EFCAB6: variants seen among roughly 807,000 people sequenced by gnomAD.
The protein encoded by EFCAB6 is EF-hand calcium binding domain 6, also known as EF-hand calcium-binding domain-containing protein 6.
Under a neutral mutation model 169.8 loss-of-function variants are expected in EFCAB6, and 156 were observed. That is an observed-to-expected ratio of 0.92 (90% CI 0.81 to 1.05). The LOEUF is 1.05. Ranked by LOEUF, EFCAB6 falls within the 50% of genes least tolerant of loss-of-function variation. EFCAB6 has a pLI of 0.00. For synonymous variants in EFCAB6, 698 were observed against 676.4 expected (o/e 1.03, Z -0.50); for missense variants, 1,800 against 1,829.1 (o/e 0.98, Z 0.29).
chr22:43,754,902 C>T (rs1045059751), intron 6 of EFCAB6, among the ~76,000 whole-genome samples: 3 of 152,128 alleles, frequency 2.0e-5, no homozygotes, highest in Admixed American at 2.0e-4. Flanking sequence ...AAGCAGCAGA[C>T]AATTATACCT....
chr22:43,738,070 TCACACACACATACATGCAGATACATG>T (rs1176341432), intron 6 of EFCAB6, among the ~76,000 whole-genome samples: 2 of 112,406 alleles, frequency 1.8e-5, no homozygotes, highest in Admixed American at 8.6e-5. Flanking sequence ...TCAAATATAT[TCACACACACATACATGCAGATACATG>T]CACACACACC....
In EFCAB6 at chr22:43,540,242, G is replaced by A. The variant is rs2047623779; in HGVS notation, c.3764C>T (p.Ser1255Leu). 2 of 1,614,120 alleles carry A rather than the reference G, an allele frequency of 1.2e-6. No homozygotes were observed. Among genetic ancestry groups the A allele is most frequent in the African/African-American group, 1.3e-5 (1 of 74,942 alleles). The part of the protein sequence containing the change: ...TAATPMATGD[S>L]AVAQRGSSVP... ...ACTGCTCCCTCTCTGGGCCACGGCC[G>A]AGTCACCAGTGGCCATTGGTGTGGC... is the stretch of plus-strand genomic sequence containing the variant. Residue 1255 changes from serine to leucine, a missense_variant, in exon 28 of 32, where the codon TCG becomes TTG. By Grantham distance (145) the Ser-to-Leu change is moderately radical. Transcript: ENST00000262726.
At chr22:43,761,227 G>T (rs972316077) in intron 5 of EFCAB6, among the ~76,000 whole-genome samples, 11 of 152,160 alleles carry the variant, frequency 7.2e-5, no homozygotes, top group Non-Finnish European at 4.4e-5. Flanking sequence ...AGAACTATGA[G>T]AAATAAATTT....
At chr22:43,612,897 T>TAA (rs766200489) in intron 21 of EFCAB6, among the ~76,000 whole-genome samples, 1 of 121,034 alleles carries the variant, frequency 8.3e-6, no homozygotes. Context: ...CCATCTCAAT[T>TAA]AAAAAAAAAA....
At chr22:43,633,096 G>A (rs993310346) in intron 18 of EFCAB6, among the ~76,000 whole-genome samples, 1 of 152,164 alleles carries the variant, frequency 6.6e-6, no homozygotes, top group South Asian at 2.1e-4. Flanking sequence ...CTTTACCTAG[G>A]GGGTGGTGAG....
intron 26 of EFCAB6, among the ~76,000 whole-genome samples, chr22:43,575,180 G>T (rs1259665669): frequency 2.8e-5 from 4 of 142,094 alleles, no homozygotes; most frequent in African/African-American, 9.9e-5. Context: ...TGTTTTTGTT[G>T]TTGTTGTTGT....
At chr22:43,685,545 C>T (rs1294791633) in intron 11 of EFCAB6, among the ~76,000 whole-genome samples, 5 of 152,272 alleles carry the variant, frequency 3.3e-5, no homozygotes, top group East Asian at 1.9e-4. Flanking sequence ...CACTGAAACT[C>T]GCTCAGTATA....
intron 22 of EFCAB6, among the ~76,000 whole-genome samples, chr22:43,601,851 T>C (rs994570189): frequency 6.6e-6 from 1 of 152,216 alleles, no homozygotes; most frequent in Non-Finnish European, 1.5e-5. Flanking sequence ...CAGGTGCCCC[T>C]GAGGGCTCTC....
chr22:43,708,443 A>G (rs1233218674), intron 10 of EFCAB6, among the ~76,000 whole-genome samples: 2 of 152,146 alleles, frequency 1.3e-5, no homozygotes, highest in African/African-American at 4.8e-5. Flanking sequence ...AAGACGAGGA[A>G]TAAAGAAAAA....
Position 43,668,975 on chromosome 22 carries a change from T to C in EFCAB6, c.1711A>G (p.Ile571Val). Residue 571 changes from isoleucine to valine, a missense_variant, in exon 16 of 32, where the codon ATT (isoleucine) becomes GTT (valine). Physicochemically the swap from Ile to Val is conservative, Grantham distance 29. Coordinates refer to ENST00000262726, the MANE Select transcript of EFCAB6 (RefSeq NM_022785.4). Reference protein sequence around the residue: ...LYKKLLACIGIDGPPTVSPVL... With the variant: ...LYKKLLACIGVDGPPTVSPVL... ...GGAGAGACAGTGGGTGGGCCATCAATTCCTATGCATGCCAAAAGTTTCTTG... is the reference window on the plus strand; with the variant it reads ...GGAGAGACAGTGGGTGGGCCATCAACTCCTATGCATGCCAAAAGTTTCTTG... 1 of 1,613,370 alleles carries C rather than the reference T, an allele frequency of 6.2e-7. No homozygotes were observed. The highest frequency in any genetic ancestry group is 1.7e-5 in the Admixed American group (1 of 59,906).
chr22:43,645,315 G>A (rs2056084997), intron 17 of EFCAB6, among the ~76,000 whole-genome samples: 1 of 152,212 alleles, frequency 6.6e-6, no homozygotes, highest in Non-Finnish European at 1.5e-5. Flanking sequence ...TAAAGTGCAT[G>A]TCATTTCTTA....
chr22:43,683,741 T>A lies in EFCAB6; in HGVS notation c.1251+6A>T, dbSNP rs1413182629. 3 of 1,592,648 alleles carry A rather than the reference T, an allele frequency of 1.9e-6. No individual in the cohort carries two copies. Among genetic ancestry groups the A allele is most frequent in the Non-Finnish European group, 2.6e-6 (3 of 1,160,444 alleles). ...GTTTCACAAGAGAAGGCTTTCAAAA[T>A]CTTACAGTGTTGATTATCAGTAATG... On this transcript the variant is annotated splice_donor_region_variant and intron_variant, in intron 12 of 31. Coordinates refer to ENST00000262726, the MANE Select transcript of EFCAB6 (RefSeq NM_022785.4).
At chr22:43,575,108 A>AAC (rs1002787852) in intron 26 of EFCAB6, among the ~76,000 whole-genome samples, 4 of 152,232 alleles carry the variant, frequency 2.6e-5, no homozygotes, top group African/African-American at 9.6e-5. Context: ...CATGTTCATT[A>AAC]ACAGGAGGGT....
intron 23 of EFCAB6, among the ~76,000 whole-genome samples, chr22:43,591,954 A>G (rs912135436): frequency 6.6e-6 from 1 of 152,194 alleles, no homozygotes; most frequent in Non-Finnish European, 1.5e-5. Context: ...TTACAAACTG[A>G]GTAATATGCC....
chr22:43,704,229 GA>G (rs1239860210), intron 10 of EFCAB6, among the ~76,000 whole-genome samples: 2 of 151,838 alleles, frequency 1.3e-5, no homozygotes, highest in Admixed American at 6.6e-5. Context: ...GGCTAATGGG[GA>G]AAAAAACCCT....
At chr22:43,638,196 T>C (rs1041026048) in intron 17 of EFCAB6, among the ~76,000 whole-genome samples, 1 of 152,210 alleles carries the variant, frequency 6.6e-6, no homozygotes, top group African/African-American at 2.4e-5. Flanking sequence ...ACCACTTTCA[T>C]TTCTAAGATG....
chr22:43,589,435 A>G (rs1318190747), intron 24 of EFCAB6, among the ~76,000 whole-genome samples: 1 of 152,056 alleles, frequency 6.6e-6, no homozygotes, highest in South Asian at 2.1e-4. Context: ...GGTTTTAGTA[A>G]CCAGCCTCGT....
intron 17 of EFCAB6, among the ~76,000 whole-genome samples, chr22:43,639,333 T>C (rs1427196024): frequency 6.6e-6 from 1 of 152,226 alleles, no homozygotes; most frequent in Admixed American, 6.5e-5. Flanking sequence ...ATGAATTATC[T>C]TAGCTCTTGT....
chr22:43,768,012 A>G (rs2061368245), intron 4 of EFCAB6, among the ~76,000 whole-genome samples: 1 of 152,236 alleles, frequency 6.6e-6, no homozygotes, highest in African/African-American at 2.4e-5. Context: ...TTAGATCAGT[A>G]TCCGTCATTG....
Sources: gnomAD v4.1 joint callset for allele counts (sites outside exome capture counted in the v4.1 genomes callset) on GRCh38, gnomAD v4.1.1 for gene constraint, MANE v1.5 for transcripts, NCBI Gene and HGNC (gene_info 2026-07-23, HGNC 2026-07-21) for gene names.